The following C10orf143 variants were observed in gnomAD, a reference collection of about 807,000 sequenced individuals.
The protein encoded by C10orf143 is uncharacterized protein C10orf143.
intron 1 of C10orf143, among the ~76,000 whole-genome samples, chr10:130,084,885 A>C (rs1861267109): frequency 6.6e-6 from 1 of 152,240 alleles, no homozygotes; most frequent in South Asian, 2.1e-4. Flanking sequence ...AGTTCTTGTA[A>C]AATGAGGGCA....
rs1347288876 is a variant in C10orf143, at chr10:130,075,860, C to A, written c.297+3706G>T. The stretch of plus-strand genomic sequence containing the variant: ...ACCTTCCACCAGGATTGTAAGTTTC[C>A]TGAGGCCTCCCAGCCATGCTTCCTG... On this transcript the variant is annotated intron_variant, in intron 3 of 3. Transcript: ENST00000637128. 2.0e-5 allele frequency among the ~76,000 whole-genome samples: 3 copies of A among 152,238 alleles called. No homozygotes were observed. In the East Asian group the frequency reaches 5.8e-4, roughly 29 times the overall value.
At chr10:130,085,500 T>A (rs752601882) in intron 1 of C10orf143, among the ~76,000 whole-genome samples, 1 of 152,152 alleles carries the variant, frequency 6.6e-6, no homozygotes, top group Non-Finnish European at 1.5e-5. Flanking sequence ...CCTAAAAGAC[T>A]GTCAAAGTGT....
intron 3 of C10orf143, among the ~76,000 whole-genome samples, chr10:130,078,526 G>A (rs978498146): frequency 2.6e-5 from 4 of 152,150 alleles, no homozygotes; most frequent in African/African-American, 9.7e-5. Flanking sequence ...ACCATAGAAT[G>A]CAACATAACC....
At chr10:130,069,854 GTTTC>G (rs1861001767) in intron 3 of C10orf143, among the ~76,000 whole-genome samples, 1 of 104,260 alleles carries the variant, frequency 9.6e-6, no homozygotes, top group African/African-American at 2.7e-5. Context: ...TATGTCCATT[GTTTC>G]TTTTTTTTTT....
At chr10:130,076,735 A>T (rs1861124451) in intron 3 of C10orf143, among the ~76,000 whole-genome samples, 2 of 152,306 alleles carry the variant, frequency 1.3e-5, no homozygotes. Flanking sequence ...TGCAAGGAGC[A>T]GCTTCATTTC....
At chr10:130,106,566 A>G in intron 1 of C10orf143, 1 of 1,571,110 alleles carries the variant, frequency 6.4e-7, no homozygotes, top group Non-Finnish European at 8.7e-7. Context: ...AAAACGATAC[A>G]GCCTCTAGCA....
intron 1 of C10orf143, among the ~76,000 whole-genome samples, chr10:130,088,255 G>A (rs921985827): frequency 7.2e-5 from 11 of 152,034 alleles, no homozygotes; most frequent in African/African-American, 1.4e-4. Context: ...GTGGTGGCAC[G>A]TGCCTATAAT....
intron 3 of C10orf143, among the ~76,000 whole-genome samples, chr10:130,037,212 C>T (rs746342185): frequency 3.9e-5 from 6 of 152,202 alleles, no homozygotes; most frequent in Non-Finnish European, 5.9e-5. Flanking sequence ...AGCAACAAGG[C>T]TTCTTAGCAT....
downstream of C10orf143, among the ~76,000 whole-genome samples, chr10:130,063,378 A>T (rs924294856): frequency 1.3e-5 from 2 of 152,242 alleles, no homozygotes; most frequent in African/African-American, 4.8e-5. Flanking sequence ...ATCTTTCGTA[A>T]GGCTACAAAC....
intron 1 of C10orf143, among the ~76,000 whole-genome samples, chr10:130,093,185 A>G (rs192755028): frequency 3.5e-4 from 54 of 152,352 alleles, no homozygotes; most frequent in African/African-American, 1.2e-3. Flanking sequence ...ATTCCTCAGC[A>G]AACGCAAAAG....
At chr10:130,101,865 C>CAAAAAAAAAAAAA (rs1267433489) in intron 1 of C10orf143, among the ~76,000 whole-genome samples, 9 of 47,732 alleles carry the variant, frequency 1.9e-4, no homozygotes, top group African/African-American at 7.9e-4. Flanking sequence ...AAAAAAAAAC[C>CAAAAAAAAAAAAA]AAAAAAAAAA....
At chr10:130,094,311 G>A (rs752894558) in intron 1 of C10orf143, among the ~76,000 whole-genome samples, 5 of 152,136 alleles carry the variant, frequency 3.3e-5, no homozygotes, top group Admixed American at 3.3e-4. Flanking sequence ...AGAGGAGCTG[G>A]TACCATTCCT....
chr10:130,109,508 G>T (rs1460107826), intron 1 of C10orf143, among the ~76,000 whole-genome samples: 1 of 152,088 alleles, frequency 6.6e-6, no homozygotes, highest in Non-Finnish European at 1.5e-5. Flanking sequence ...ATCTTGTTAG[G>T]GCCAGCGTGC....
In C10orf143 at chr10:130,036,216, G is replaced by C. The variant is rs1860543581; in HGVS notation, c.298-246C>G. Among the ~76,000 whole-genome samples, 3 of 152,204 alleles carry C rather than the reference G, an allele frequency of 2.0e-5. No individual in the cohort carries two copies. In the South Asian group the frequency reaches 6.2e-4, roughly 32 times the overall value. On this transcript the variant is annotated intron_variant and NMD_transcript_variant, in intron 3 of 5. Coordinates refer to the C10orf143 transcript ENST00000643056. ...TGATGGGGAAACTGAGGCTCAGGAA[G>C]ATCCACTCACAGAACTAGGGAGTGA...
chr10:130,053,752 TA>T (rs1211089991), intron 3 of C10orf143, among the ~76,000 whole-genome samples: 1 of 152,226 alleles, frequency 6.6e-6, no homozygotes, highest in African/African-American at 2.4e-5. Flanking sequence ...AACCGCGTCT[TA>T]AGTGGAACCA....
At chr10:130,109,587 C>T (rs1861724511) in intron 1 of C10orf143, among the ~76,000 whole-genome samples, 1 of 152,090 alleles carries the variant, frequency 6.6e-6, no homozygotes, top group African/African-American at 2.4e-5. Context: ...TACTATACTA[C>T]ATTACTATAC....
At chr10:130,106,692 C>T (rs769961123) in intron 1 of C10orf143, 3 of 1,232,296 alleles carry the variant, frequency 2.4e-6, no homozygotes, top group African/African-American at 1.5e-5. Context: ...AATGAAAACT[C>T]TCACCTTCAG....
intron 1 of C10orf143, among the ~76,000 whole-genome samples, chr10:130,103,352 A>C (rs915099053): frequency 6.6e-6 from 1 of 152,164 alleles, no homozygotes; most frequent in East Asian, 1.9e-4. Context: ...TAGAAAAATT[A>C]GCTGGCACAC....
downstream of C10orf143, among the ~76,000 whole-genome samples, chr10:130,060,784 C>G (rs189052954): frequency 3.1e-5 from 4 of 130,840 alleles, no homozygotes; most frequent in African/African-American, 1.2e-4. Context: ...GATCACGCCA[C>G]TGCACTCCAG....
Sources: gnomAD v4.1 joint callset for allele counts (sites outside exome capture counted in the v4.1 genomes callset) on GRCh38, gnomAD v4.1.1 for gene constraint, MANE v1.5 for transcripts, NCBI Gene and HGNC (gene_info 2026-07-23, HGNC 2026-07-21) for gene names.